Variants in MAP3K5 observed in about 807,000 individuals in gnomAD.
The protein encoded by MAP3K5 is mitogen-activated protein kinase kinase kinase 5.
Under a neutral mutation model 158.7 loss-of-function variants are expected in MAP3K5, and 56 were observed. The ratio of observed to expected loss-of-function variants is 0.35; its 90% CI spans 0.28 to 0.44. The LOEUF is 0.44. MAP3K5 is among the 20% of genes least tolerant of loss of function. The pLI is 1.00. For synonymous variants in MAP3K5, 579 were observed against 601.7 expected (o/e 0.96, Z 0.55); for missense variants, 1,294 against 1,674.8 (o/e 0.77, Z 3.97).
chr6:136,771,779 T>C (rs1784208248), intron 1 of MAP3K5, among the ~76,000 whole-genome samples: 1 of 152,238 alleles, frequency 6.6e-6, no homozygotes, highest in Non-Finnish European at 1.5e-5. Context: ...ACTTTGGGTC[T>C]CGCCTACCCT....
chr6:136,741,907 A>T (rs1035039595), intron 1 of MAP3K5, among the ~76,000 whole-genome samples: 22 of 152,216 alleles, frequency 1.4e-4, no homozygotes, highest in Non-Finnish European at 8.8e-5. Context: ...AGCACCCCCA[A>T]AAATGAAGTA....
rs777655082 is a variant in MAP3K5 at position 136,791,839 on chromosome 6, C to A, written c.319G>T (p.Val107Leu). The change falls in exon 1 of 30, where the codon GTG becomes TTG. Residue 107 changes from valine to leucine, a missense_variant. Around this residue, in one of 5 missense-constraint regions of MAP3K5, gnomAD observed 690 missense variants for 870.5 expected, o/e 0.79. Coordinates refer to ENST00000359015, the MANE Select transcript of MAP3K5 (RefSeq NM_005923.4). ...INEASQGQLV[V>L]AESEALQSLR... ...CTCTGCAGGGCCTCGCTCTCGGCCA[C>A]CACCAGTTGCCCTTGGCTCGCTTCG... 1.9e-5 allele frequency: 30 copies of A among 1,613,890 alleles called. No individual in the cohort carries two copies. The highest frequency in any genetic ancestry group is 2.5e-5 in the Non-Finnish European group (30 of 1,180,018).
At chr6:136,601,663 C>A in intron 20 of MAP3K5, 139 bp downstream of exon 20, 1 of 738,900 alleles carries the variant, frequency 1.4e-6, no homozygotes, top group South Asian at 2.0e-5. Context: ...AACCAAATGC[C>A]TGAGAACACT....
At chr6:136,651,819 T>A (rs1173145201) in intron 10 of MAP3K5, among the ~76,000 whole-genome samples, 6 of 152,138 alleles carry the variant, frequency 3.9e-5, no homozygotes, top group African/African-American at 1.4e-4. Flanking sequence ...ATTATATTAT[T>A]ACTAATATCT....
At chr6:136,606,877 T>C (rs140770703) in intron 18 of MAP3K5, among the ~76,000 whole-genome samples, 8 of 152,366 alleles carry the variant, frequency 5.3e-5, no homozygotes, top group Non-Finnish European at 1.0e-4. Context: ...AGCACTATCA[T>C]AGGTGAGAAA....
At chr6:136,626,087 T>A (rs1239261613) in intron 14 of MAP3K5, among the ~76,000 whole-genome samples, 2 of 152,158 alleles carry the variant, frequency 1.3e-5, no homozygotes, top group Non-Finnish European at 2.9e-5. Flanking sequence ...AGGTAGCTCA[T>A]CAGATCGCTC....
rs376629108 is a variant in MAP3K5, at chr6:136,650,146, G to A, written c.1788+838C>T. Among the ~76,000 whole-genome samples, 9 of 152,288 alleles carry A rather than the reference G, an allele frequency of 5.9e-5. No individual in the cohort carries two copies. In the East Asian group the frequency reaches 7.7e-4, roughly 13 times the overall value. On this transcript the variant is annotated intron_variant, in intron 11 of 29. Coordinates refer to ENST00000359015, the MANE Select transcript of MAP3K5 (RefSeq NM_005923.4). ...AGCTGTTTCCCTAGGGTCTAACACC[G>A]TGTCTGGTAGTGCCTGATCCAGAGT...
intron 21 of MAP3K5, among the ~76,000 whole-genome samples, chr6:136,594,802 T>TTG (rs149943450): frequency 0.012 from 1,868 of 150,126 alleles, 24 homozygotes; most frequent in Non-Finnish European, 0.02. Context: ...GTTTCCGTGT[T>TTG]TGTGTGTGTG....
At chr6:136,714,187 T>C (rs1264911583) in intron 2 of MAP3K5, among the ~76,000 whole-genome samples, 1 of 152,220 alleles carries the variant, frequency 6.6e-6, no homozygotes, top group Non-Finnish European at 1.5e-5. Flanking sequence ...AATGTTTTTA[T>C]GGGTTTAAGA....
intron 1 of MAP3K5, among the ~76,000 whole-genome samples, chr6:136,728,384 A>T (rs1302668701): frequency 6.6e-6 from 1 of 152,160 alleles, no homozygotes; most frequent in Admixed American, 6.5e-5. Context: ...ACTCCAAGTC[A>T]GTTTTCTAAA....
At chr6:136,695,166 C>A (rs1377725529) in intron 6 of MAP3K5, among the ~76,000 whole-genome samples, 2 of 152,142 alleles carry the variant, frequency 1.3e-5, no homozygotes, top group African/African-American at 2.4e-5. Flanking sequence ...GAGACAGAGT[C>A]TTGCTCTGTT....
chr6:136,606,293 G>A (rs1776097288), intron 18 of MAP3K5, among the ~76,000 whole-genome samples: 1 of 152,180 alleles, frequency 6.6e-6, no homozygotes, highest in South Asian at 2.1e-4. Flanking sequence ...GGAGGTTGCA[G>A]TGAGCCGAGA....
rs549652866 is a variant in MAP3K5 at position 136,791,443 on chromosome 6, A to T, written c.448+267T>A. ...ATCTCACACTGCTGGAGAACAGTTC[A>T]AGTCGATCGCATGGACCCAGGGCTC... On this transcript the variant is annotated intron_variant, in intron 1 of 29. Transcript: ENST00000359015. 5.8e-4 allele frequency among the ~76,000 whole-genome samples: 89 copies of T among 152,228 alleles called. 1 individual carries two copies. The highest frequency in any genetic ancestry group is 2.1e-3 in the African/African-American group (89 of 41,534).
intron 2 of MAP3K5, among the ~76,000 whole-genome samples, chr6:136,711,220 C>A (rs1781292840): frequency 6.6e-6 from 1 of 151,970 alleles, no homozygotes; most frequent in Non-Finnish European, 1.5e-5. Context: ...AGAAAATCAT[C>A]CTTTTGCAGA....
intron 1 of MAP3K5, among the ~76,000 whole-genome samples, chr6:136,734,491 CCACGG>C (rs1782370729): frequency 6.6e-6 from 1 of 150,656 alleles, no homozygotes; most frequent in Non-Finnish European, 1.5e-5. Context: ...TTCTGTATCG[CCACGG>C]CAAACTATTT....
chr6:136,698,470 A>AT lies in MAP3K5; in HGVS notation c.806+18dup, dbSNP rs1385599855. 1.7e-5 allele frequency: 27 copies of AT among 1,603,798 alleles called. No homozygotes were observed. Among genetic ancestry groups the AT allele is most frequent in the Non-Finnish European group, 2.1e-5 (25 of 1,171,550 alleles). On this transcript the variant is annotated intron_variant, in intron 4 of 29. Coordinates refer to ENST00000359015, the MANE Select transcript of MAP3K5 (RefSeq NM_005923.4). ...CACTTTATTGTCATCACCAAATGGC[A>AT]TTATTAATTAAACTTTACCTAGAAC...
chr6:136,595,047 G>A (rs998355676), intron 21 of MAP3K5, among the ~76,000 whole-genome samples: 6 of 152,040 alleles, frequency 3.9e-5, no homozygotes, highest in African/African-American at 9.7e-5. Context: ...ACTATGGCTC[G>A]TTAAGGAAAT....
At chr6:136,567,942 GAA>G in intron 25 of MAP3K5, 68 bp from the exon 26 acceptor site, 3 of 1,509,870 alleles carry the variant, frequency 2.0e-6, no homozygotes, top group Non-Finnish European at 2.7e-6. Context: ...CTTAAGATAT[GAA>G]TGCTACCCTC....
chr6:136,664,253 C>T (rs1779132668), intron 8 of MAP3K5, among the ~76,000 whole-genome samples: 1 of 152,024 alleles, frequency 6.6e-6, no homozygotes. Flanking sequence ...TTATGAGAAC[C>T]TAATGCCTGA....
Sources: gnomAD v4.1 joint callset for allele counts (sites outside exome capture counted in the v4.1 genomes callset) on GRCh38, gnomAD v4.1.1 for gene constraint, gnomAD v4.1.1 regional missense constraint, MANE v1.5 for transcripts, NCBI Gene and HGNC (gene_info 2026-07-23, HGNC 2026-07-21) for gene names.